Variants in MAPK4 observed in about 807,000 individuals in gnomAD.
MAPK4 encodes Erk3-related.
In MAPK4, 22 loss-of-function variants were observed where a neutral mutation model predicts 47.7. The observed-to-expected ratio is 0.46, with a 90% CI of 0.33 to 0.66. MAPK4 has a LOEUF of 0.66. Ranked by LOEUF, MAPK4 falls within the 30% of genes least tolerant of loss-of-function variation. MAPK4 has a pLI of 0.02. For synonymous variants in MAPK4, 390 were observed against 365.7 expected (o/e 1.07, Z -0.76); for missense variants, 736 against 831.7 (o/e 0.88, Z 1.42).
intron 2 of MAPK4, among the ~76,000 whole-genome samples, chr18:50,691,972 C>A (rs1259618937): frequency 1.3e-5 from 2 of 152,204 alleles, no homozygotes; most frequent in African/African-American, 4.8e-5. Flanking sequence ...CTCACACCCA[C>A]CTTCTTTCAA....
chr18:50,639,167 C>A (rs985480019), intron 1 of MAPK4, among the ~76,000 whole-genome samples: 1 of 152,182 alleles, frequency 6.6e-6, no homozygotes, highest in Non-Finnish European at 1.5e-5. Context: ...AAACCTTGGC[C>A]TGTGGGTGGA....
At chr18:50,600,420 C>T (rs1166224863) in intron 1 of MAPK4, among the ~76,000 whole-genome samples, 1 of 152,190 alleles carries the variant, frequency 6.6e-6, no homozygotes, top group Non-Finnish European at 1.5e-5. Context: ...TCAGAAGGGG[C>T]ACATGGCCCC....
At chr18:50,692,332 A>ATG (rs1203290322) in intron 2 of MAPK4, among the ~76,000 whole-genome samples, 1 of 152,172 alleles carries the variant, frequency 6.6e-6, no homozygotes, top group Non-Finnish European at 1.5e-5. Context: ...AATGATGCAT[A>ATG]TGAGATCTCT....
intron 1 of MAPK4, among the ~76,000 whole-genome samples, chr18:50,651,900 C>T (rs2043053863): frequency 6.6e-6 from 1 of 152,220 alleles, no homozygotes; most frequent in African/African-American, 2.4e-5. Context: ...GAAGGCCACC[C>T]TACTATTGGA....
Position 50,729,833 on chromosome 18 carries a change from C to T in MAPK4, c.1743C>T (p.Ala581=), listed in dbSNP as rs1818326741. 1.9e-6 allele frequency: 3 copies of T among 1,611,510 alleles called. No individual in the cohort carries two copies. Among genetic ancestry groups the T allele is most frequent in the South Asian group, 2.2e-5 (2 of 90,732 alleles). The change falls in exon 6 of 6, where the codon GCC becomes GCT. Residue 581 remains alanine, a synonymous_variant. Transcript: ENST00000400384. ...EHPGDLVQTE[A]FSKERW ...CTGGCGACCTCGTGCAGACCGAGGC[C>T]TTCTCCAAAGAAAGGTGGTGAGGGC...
intron 1 of MAPK4, among the ~76,000 whole-genome samples, chr18:50,586,184 A>T (rs1199993645): frequency 6.6e-6 from 1 of 152,204 alleles, no homozygotes; most frequent in East Asian, 1.9e-4. Flanking sequence ...AATTTAATTT[A>T]TGACTTTCTA....
intron 1 of MAPK4, among the ~76,000 whole-genome samples, chr18:50,598,755 G>A (rs1013169659): frequency 3.9e-4 from 59 of 152,180 alleles, no homozygotes; most frequent in African/African-American, 1.4e-3. Flanking sequence ...TCCGCTCTGA[G>A]TTTCTTGGTC....
Position 50,634,959 on chromosome 18 carries a change from A to T in MAPK4, c.-870-28130A>T, listed in dbSNP as rs191904845. Among the ~76,000 whole-genome samples the T allele has an allele frequency of 6.6e-5, 10 of 152,326 alleles. No homozygotes were observed. In the East Asian group the frequency reaches 1.9e-3, roughly 29 times the overall value. ...GTTGTTCTTAGACATCCCTATGCTC[A>T]GTTGGCGCTCCAGACCAATCAACTG... is the stretch of plus-strand genomic sequence containing the variant. On this transcript the variant is annotated intron_variant, in intron 1 of 5. Transcript: ENST00000400384.
intron 1 of MAPK4, among the ~76,000 whole-genome samples, chr18:50,610,060 G>A (rs1418248186): frequency 1.3e-5 from 2 of 152,284 alleles, no homozygotes; most frequent in Admixed American, 6.5e-5. Flanking sequence ...ACTTGTCTAC[G>A]ATCTTGTCAC....
At chr18:50,620,537 A>G (rs1490803281) in intron 1 of MAPK4, among the ~76,000 whole-genome samples, 3 of 152,158 alleles carry the variant, frequency 2.0e-5, no homozygotes, top group Non-Finnish European at 4.4e-5. Flanking sequence ...TTCTGCTTAT[A>G]CTCACCCAGG....
intron 2 of MAPK4, among the ~76,000 whole-genome samples, chr18:50,685,860 C>A (rs1908853529): frequency 6.6e-6 from 1 of 152,130 alleles, no homozygotes; most frequent in Admixed American, 6.5e-5. Flanking sequence ...CTGGAGCATG[C>A]TGTTTTCTCG....
In MAPK4 at chr18:50,664,238, GAGCTGTTCA is replaced by G; in HGVS notation, c.283_291del (p.Leu95_Lys97del). The G allele has an allele frequency of 6.2e-7, 1 of 1,614,036 alleles. No homozygotes were observed. The highest frequency in any genetic ancestry group is 8.5e-7 in the Non-Finnish European group (1 of 1,180,026). The stretch of plus-strand genomic sequence containing the variant: ...TCCCAAGGGCACTGACCTGCAGGGT[GAGCTGTTCA>G]AGTTCAGCGTGGCGTACATCGTCCA... On this transcript the variant is annotated inframe_deletion, in exon 2 of 6. Transcript: ENST00000400384. The surrounding 1 kb of genome is among the most constrained non-coding windows in gnomAD (Gnocchi z 6.0).
chr18:50,673,314 G>GC (rs1908071567), intron 2 of MAPK4, among the ~76,000 whole-genome samples: 1 of 152,132 alleles, frequency 6.6e-6, no homozygotes, highest in Non-Finnish European at 1.5e-5. Flanking sequence ...GGGATCAACA[G>GC]CCCCCTCTTC....
Position 50,634,134 on chromosome 18 carries a change from T to C in MAPK4, c.-870-28955T>C, listed in dbSNP as rs139099433. ...TTCTCTCTTTTCCAAATATGCTCAA[T>C]GAAAACCGGTGCCTCCCTTCCTATC... On this transcript the variant is annotated intron_variant, in intron 1 of 5. Coordinates refer to ENST00000400384, the MANE Select transcript of MAPK4 (RefSeq NM_002747.4). Among the ~76,000 whole-genome samples, 591 of 152,234 alleles carry C rather than the reference T, an allele frequency of 3.9e-3. 3 individuals are homozygous for C. Among genetic ancestry groups the C allele is most frequent in the Non-Finnish European group, 6.1e-3 (415 of 68,008 alleles).
At chr18:50,687,384 CCCT>C (rs1908942136) in intron 2 of MAPK4, among the ~76,000 whole-genome samples, 1 of 152,194 alleles carries the variant, frequency 6.6e-6, no homozygotes, top group Non-Finnish European at 1.5e-5. Context: ...GTAGCTCCAC[CCCT>C]CAAGTTATGA....
chr18:50,672,492 G>T (rs892742993), intron 2 of MAPK4, among the ~76,000 whole-genome samples: 1 of 152,148 alleles, frequency 6.6e-6, no homozygotes, highest in Non-Finnish European at 1.5e-5. Flanking sequence ...AAAGCTCATT[G>T]TGTTGGCGTT....
At chr18:50,621,803 G>C (rs2149382375) in intron 1 of MAPK4, among the ~76,000 whole-genome samples, 1 of 152,326 alleles carries the variant, frequency 6.6e-6, no homozygotes, top group Middle Eastern at 3.4e-3. Flanking sequence ...GGAGTTTCTT[G>C]AGGGTCTCCC....
intron 1 of MAPK4, among the ~76,000 whole-genome samples, chr18:50,577,419 G>C (rs1316309237): frequency 6.6e-6 from 1 of 152,132 alleles, no homozygotes; most frequent in Non-Finnish European, 1.5e-5. Flanking sequence ...AATCATCTGG[G>C]GCGTTTTTAA....
chr18:50,696,306 T>C (rs1909511014), intron 2 of MAPK4, among the ~76,000 whole-genome samples: 1 of 152,208 alleles, frequency 6.6e-6, no homozygotes. Context: ...ACTTATTTTA[T>C]GGTTTGTATT....
Sources: allele counts gnomAD v4.1 joint callset (sites outside exome capture counted in the v4.1 genomes callset), GRCh38; gene constraint gnomAD v4.1.1; non-coding constraint Gnocchi (gnomAD v3.1); transcripts MANE v1.5; gene names NCBI Gene and HGNC (gene_info 2026-07-23, HGNC 2026-07-21).